Variants in MYO1E observed in about 807,000 individuals in gnomAD.
MYO1E encodes myosin IE.
Under a neutral mutation model 151.1 loss-of-function variants are expected in MYO1E, and 68 were observed. That is an observed-to-expected ratio of 0.45 (90% CI 0.37 to 0.55). The LOEUF (loss-of-function observed/expected upper bound fraction) is 0.55. Among genes scored for constraint, MYO1E ranks in the 20% least tolerant of loss-of-function variants. MYO1E has a pLI of 0.00. For missense variants in MYO1E, 1,363 were observed against 1,389.3 expected (o/e 0.98, Z 0.30); for synonymous variants, 601 against 501.7 (o/e 1.20, Z -2.64).
intron 9 of MYO1E, among the ~76,000 whole-genome samples, chr15:59,221,145 T>C (rs2079953711): frequency 6.6e-6 from 1 of 151,138 alleles, no homozygotes; most frequent in Admixed American, 6.6e-5. Flanking sequence ...GTAGCTGGAA[T>C]TACAGGTGCG....
In MYO1E at chr15:59,178,476, G is replaced by A. The variant is rs1375384229; in HGVS notation, c.1966C>T (p.Leu656=). The A allele has an allele frequency of 1.9e-6, 3 of 1,614,100 alleles. No individual in the cohort carries two copies. Among genetic ancestry groups the A allele is most frequent in the Admixed American group, 3.3e-5 (2 of 60,002 alleles). The change falls in exon 19 of 28, where the codon CTG becomes TTG. Residue 656 remains leucine (L), a synonymous_variant. Coordinates refer to ENST00000288235, the MANE Select transcript of MYO1E (RefSeq NM_004998.4). ...SWQGEEKQGV[L]HLLQSVNMDS... The stretch of plus-strand genomic sequence containing the variant: ...ATGTTGACCGACTGCAGCAGGTGCA[G>A]GACGCCTTGCTTCTCCTCTCCCTGC...
intron 1 of MYO1E, among the ~76,000 whole-genome samples, chr15:59,367,164 C>T (rs775135415): frequency 1.3e-5 from 2 of 152,054 alleles, no homozygotes; most frequent in African/African-American, 2.4e-5. Context: ...TCTCAAATTC[C>T]TAATGAATAA....
intron 1 of MYO1E, among the ~76,000 whole-genome samples, chr15:59,319,839 T>C (rs189900037): frequency 0.025 from 3,807 of 150,000 alleles, 74 homozygotes; most frequent in Non-Finnish European, 0.037. Context: ...GAGGCAGAGG[T>C]TGCAGTGAGC....
chr15:59,213,294 C>A (rs1486729383), intron 12 of MYO1E, among the ~76,000 whole-genome samples: 1 of 151,938 alleles, frequency 6.6e-6, no homozygotes, highest in Admixed American at 6.5e-5. Flanking sequence ...CCTCAGCCCC[C>A]TGAGTAGCTG....
intron 18 of MYO1E, among the ~76,000 whole-genome samples, chr15:59,183,800 C>T (rs1214045941): frequency 5.3e-5 from 8 of 152,022 alleles, no homozygotes; most frequent in African/African-American, 1.2e-4. Flanking sequence ...TTTTTGTATG[C>T]ATTAACCATC....
intron 22 of MYO1E, among the ~76,000 whole-genome samples, chr15:59,170,195 C>A (rs941806904): frequency 6.6e-6 from 1 of 150,840 alleles, no homozygotes; most frequent in African/African-American, 2.4e-5. Context: ...AAAACAACCA[C>A]ACAAATGTAG....
At chr15:59,198,090 T>A (rs1397681243) in intron 16 of MYO1E, among the ~76,000 whole-genome samples, 1 of 152,168 alleles carries the variant, frequency 6.6e-6, no homozygotes, top group Non-Finnish European at 1.5e-5. Context: ...TCGTCTCCAA[T>A]CCTGGCCTCA....
intron 1 of MYO1E, among the ~76,000 whole-genome samples, chr15:59,294,438 T>C (rs1270522816): frequency 6.6e-6 from 1 of 152,226 alleles, no homozygotes; most frequent in Non-Finnish European, 1.5e-5. Flanking sequence ...CATTCCTTAT[T>C]CCCAAATGTC....
chr15:59,253,635 C>T (rs1369621287), intron 4 of MYO1E, among the ~76,000 whole-genome samples: 2 of 152,038 alleles, frequency 1.3e-5, no homozygotes, highest in African/African-American at 4.8e-5. Flanking sequence ...GCATGCGCCG[C>T]CATGCCCGGC....
chr15:59,237,066 G>A (rs867422940), intron 4 of MYO1E, among the ~76,000 whole-genome samples: 1 of 151,948 alleles, frequency 6.6e-6, no homozygotes, highest in Non-Finnish European at 1.5e-5. Context: ...AGTGAAATAA[G>A]TCATTCAAGT....
In MYO1E at chr15:59,158,333, C is replaced by T. The variant is rs1221035536; in HGVS notation, c.2832G>A (p.Gly944=). 4 of 1,577,280 alleles carry T rather than the reference C, an allele frequency of 2.5e-6. No individual in the cohort carries two copies. The South Asian group carries it at 4.6e-5, about 18-fold the overall frequency. Residue 944 remains glycine (G), a synonymous_variant, in exon 25 of 28, where the codon GGG becomes GGA. Transcript: ENST00000288235. ...TCACTGGGTAGTTGGCATTTTGAGT[C>T]CCACTGGAATAACCTGTATTTTGGG... The part of the protein sequence containing the change: ...NTTQNTGYSS[G]TQNANYPVRA...
chr15:59,288,714 G>T (rs1308829394), intron 1 of MYO1E, among the ~76,000 whole-genome samples: 2 of 152,256 alleles, frequency 1.3e-5, no homozygotes, highest in East Asian at 3.9e-4. Context: ...AAAAAATATA[G>T]AACTTTTAAA....
At chr15:59,321,209 G>C (rs1022335767) in intron 1 of MYO1E, among the ~76,000 whole-genome samples, 5 of 152,232 alleles carry the variant, frequency 3.3e-5, no homozygotes, top group African/African-American at 1.2e-4. Context: ...GAGGAGAAAA[G>C]AGAACAATTA....
At chr15:59,211,179 G>A (rs1416127743) in intron 12 of MYO1E, among the ~76,000 whole-genome samples, 2 of 143,828 alleles carry the variant, frequency 1.4e-5, no homozygotes, top group Admixed American at 1.4e-4. Context: ...CAGCCTGGAT[G>A]ACAGAGCGAA....
intron 4 of MYO1E, among the ~76,000 whole-genome samples, chr15:59,241,921 AAAAATAAAAT>A (rs374472292): frequency 1.8e-4 from 27 of 150,838 alleles, no homozygotes; most frequent in Non-Finnish European, 3.2e-4. Context: ...CCTGTCTCTA[AAAAATAAAAT>A]AAAATAAAAT....
intron 1 of MYO1E, among the ~76,000 whole-genome samples, chr15:59,311,698 G>A (rs896992506): frequency 2.0e-5 from 3 of 152,198 alleles, no homozygotes; most frequent in African/African-American, 7.2e-5. Context: ...CAAAGTTCAT[G>A]TGCTGAAAAC....
At chr15:59,291,497 T>C (rs2080418355) in intron 1 of MYO1E, among the ~76,000 whole-genome samples, 1 of 151,868 alleles carries the variant, frequency 6.6e-6, no homozygotes, top group Non-Finnish European at 1.5e-5. Flanking sequence ...CAAAAGCACA[T>C]TTCAATTATT....
intron 1 of MYO1E, among the ~76,000 whole-genome samples, chr15:59,369,840 CA>C (rs1470219341): frequency 6.6e-6 from 1 of 152,102 alleles, no homozygotes; most frequent in Non-Finnish European, 1.5e-5. Flanking sequence ...GCCTCAGGTA[CA>C]GATGGAGAGC....
At chr15:59,257,187 C>A (rs377689757) in intron 3 of MYO1E, among the ~76,000 whole-genome samples, 39 of 152,250 alleles carry the variant, frequency 2.6e-4, no homozygotes, top group African/African-American at 9.4e-4. Context: ...AAGAGAAATA[C>A]TTTGTTGAGT....
Sources: gnomAD v4.1 joint callset for allele counts (sites outside exome capture counted in the v4.1 genomes callset) on GRCh38, gnomAD v4.1.1 for gene constraint, MANE v1.5 for transcripts, NCBI Gene and HGNC (gene_info 2026-07-23, HGNC 2026-07-21) for gene names.